TMC2: variants seen among roughly 807,000 people sequenced by gnomAD.
TMC2 encodes transmembrane channel-like protein 2.
Under a neutral mutation model 105.9 loss-of-function variants are expected in TMC2, and 102 were observed. The ratio of observed to expected loss-of-function variants is 0.96; its 90% CI spans 0.82 to 1.14. TMC2 has a LOEUF of 1.14. Ranked by LOEUF, TMC2 falls within the 50% of genes most tolerant of loss-of-function variation. The pLI, the probability that TMC2 is intolerant of heterozygous loss-of-function variation, is 0.00. For synonymous variants in TMC2, 402 were observed against 422.8 expected (o/e 0.95, Z 0.60); for missense variants, 1,093 against 1,134.3 (o/e 0.96, Z 0.52).
At chr20:2,572,641 G>A (rs555545662) in intron 5 of TMC2, among the ~76,000 whole-genome samples, 34 of 152,270 alleles carry the variant, frequency 2.2e-4, no homozygotes, top group Non-Finnish European at 4.0e-4. Context: ...GATAAACAGC[G>A]ATGTCCCCAG....
At chr20:2,544,902 A>C (rs541363474) in intron 2 of TMC2, among the ~76,000 whole-genome samples, 94 of 152,218 alleles carry the variant, frequency 6.2e-4, no homozygotes, top group African/African-American at 2.1e-3. Flanking sequence ...TCTACAAAAA[A>C]ATTTAAAAAT....
In TMC2 at chr20:2,642,760, C is replaced by G. The variant is rs1038465390; in HGVS notation, c.*1409C>G. On this transcript the variant is annotated 3_prime_UTR_variant, in exon 20 of 20. Coordinates refer to ENST00000358864, the MANE Select transcript of TMC2 (RefSeq NM_080751.3). The stretch of plus-strand genomic sequence containing the variant: ...GCTCCTTCCTTTCCTCCACTCTGTG[C>G]TCCCAGACCCAGGTAAGCAGTGAGG... Among the ~76,000 whole-genome samples, 2 of 152,078 alleles carry G rather than the reference C, an allele frequency of 1.3e-5. No individual in the cohort carries two copies. The highest frequency in any genetic ancestry group is 6.5e-5 in the Admixed American group (1 of 15,280).
chr20:2,567,661 C>T (rs1322489701), intron 4 of TMC2, among the ~76,000 whole-genome samples: 1 of 152,062 alleles, frequency 6.6e-6, no homozygotes, highest in Non-Finnish European at 1.5e-5. Context: ...CCTCGCAAGA[C>T]ACTGGGATCA....
At chr20:2,563,508 ATTTT>A (rs1279387168) in intron 4 of TMC2, among the ~76,000 whole-genome samples, 4 of 152,168 alleles carry the variant, frequency 2.6e-5, no homozygotes, top group African/African-American at 4.8e-5. Flanking sequence ...CGAAAAACTG[ATTTT>A]TTTGTTTTAG....
At chr20:2,540,055 A>C (rs1441578847) in intron 2 of TMC2, among the ~76,000 whole-genome samples, 1 of 133,076 alleles carries the variant, frequency 7.5e-6, no homozygotes, top group African/African-American at 2.9e-5. Flanking sequence ...CAGTGATGTG[A>C]TCTCAGCTCA....
chr20:2,548,208 T>C (rs550715772), intron 2 of TMC2, among the ~76,000 whole-genome samples: 86 of 152,292 alleles, frequency 5.6e-4, no homozygotes, highest in African/African-American at 2.0e-3. Flanking sequence ...ATACAGCTTC[T>C]CAAAAGGGCA....
rs1024968120 is a variant in TMC2 at position 2,537,336 on chromosome 20, T to A, written c.82+20T>A. On this transcript the variant is annotated intron_variant, in intron 2 of 19. Transcript: ENST00000358864. ...ACACAGGTGAGATGGGGTGGTGGGG[T>A]CTCTGGGGAGCCTGCAGTGCCTGGG... 1 of 1,588,998 alleles carries A rather than the reference T, an allele frequency of 6.3e-7. No individual in the cohort carries two copies. Among genetic ancestry groups the A allele is most frequent in the East Asian group, 2.3e-5 (1 of 43,904 alleles).
chr20:2,573,709 C>T (rs6115005), intron 5 of TMC2, among the ~76,000 whole-genome samples: 4,412 of 148,270 alleles, frequency 0.03, 276 homozygotes, highest in African/African-American at 0.11. Context: ...TACAGGCGCC[C>T]GCCACCACGC....
At chr20:2,563,416 G>A (rs1568506278) in intron 4 of TMC2, among the ~76,000 whole-genome samples, 1 of 152,174 alleles carries the variant, frequency 6.6e-6, no homozygotes, top group Non-Finnish European at 1.5e-5. Context: ...TGCAATGATG[G>A]AAATCAGTCA....
rs188556854 is a variant in TMC2 at position 2,556,933 on chromosome 20, G to C, written c.83-1523G>C. On this transcript the variant is annotated intron_variant, in intron 2 of 19. Coordinates refer to ENST00000358864, the MANE Select transcript of TMC2 (RefSeq NM_080751.3). Reference sequence around the variant, plus strand: ...ACTCTCTTAACTTGCACAGTTTCTGGAGCAAAATCTAGTGTAATTCTTATC... The same window carrying C: ...ACTCTCTTAACTTGCACAGTTTCTGCAGCAAAATCTAGTGTAATTCTTATC... Among the ~76,000 whole-genome samples, 9 of 151,468 alleles carry C rather than the reference G, an allele frequency of 5.9e-5. No homozygotes were observed. The East Asian group carries it at 1.7e-3, about 29-fold the overall frequency.
intron 17 of TMC2, among the ~76,000 whole-genome samples, chr20:2,630,860 T>C (rs1044840679): frequency 1.3e-5 from 2 of 152,218 alleles, no homozygotes; most frequent in African/African-American, 4.8e-5. Context: ...TGTGCTTCTT[T>C]GGAAAAGCAT....
intron 7 of TMC2, among the ~76,000 whole-genome samples, chr20:2,584,219 C>A (rs568450247): frequency 6.6e-6 from 1 of 151,744 alleles, no homozygotes; most frequent in Non-Finnish European, 1.5e-5. Context: ...CCGAGGCGGG[C>A]GGATCACGAG....
chr20:2,548,156 G>A (rs546649727), intron 2 of TMC2, among the ~76,000 whole-genome samples: 8 of 152,282 alleles, frequency 5.3e-5, no homozygotes, highest in African/African-American at 1.9e-4. Flanking sequence ...CAGAGCTCCT[G>A]AATGTACACA....
chr20:2,559,288 G>A (rs1486199626), intron 3 of TMC2, among the ~76,000 whole-genome samples: 1 of 152,184 alleles, frequency 6.6e-6, no homozygotes, highest in African/African-American at 2.4e-5. Context: ...GACCTTCAAG[G>A]ATGCTACCAG....
intron 4 of TMC2, among the ~76,000 whole-genome samples, chr20:2,566,607 G>A (rs1425938754): frequency 6.6e-6 from 1 of 152,206 alleles, no homozygotes; most frequent in African/African-American, 2.4e-5. Flanking sequence ...CTTCTAGGTA[G>A]ATGGAGTAGA....
intron 18 of TMC2, among the ~76,000 whole-genome samples, chr20:2,636,236 A>G (rs1332820274): frequency 6.6e-6 from 1 of 152,204 alleles, no homozygotes; most frequent in African/African-American, 2.4e-5. Context: ...AGGGGTTACT[A>G]AAGAACAGGA....
At chr20:2,565,723 A>C (rs749388926) in intron 4 of TMC2, among the ~76,000 whole-genome samples, 2 of 152,116 alleles carry the variant, frequency 1.3e-5, no homozygotes, top group Non-Finnish European at 2.9e-5. Context: ...TGACCTGAGC[A>C]TGGTTACTGT....
intron 2 of TMC2, among the ~76,000 whole-genome samples, chr20:2,555,204 C>G (rs909966475): frequency 6.6e-6 from 1 of 152,186 alleles, no homozygotes; most frequent in African/African-American, 2.4e-5. Flanking sequence ...CCTCAGCCTC[C>G]AAAGTAGCTG....
rs531696864 is a variant in TMC2, at chr20:2,537,403, T to A, written c.82+87T>A. ...CAACAGTCCAGCCACCCATCCAACATTCTCCTTCATCTCCTTCCCTCTCAT... is the reference window on the plus strand; with the variant it reads ...CAACAGTCCAGCCACCCATCCAACAATCTCCTTCATCTCCTTCCCTCTCAT... On this transcript the variant is annotated intron_variant, in intron 2 of 19. Coordinates refer to ENST00000358864, the MANE Select transcript of TMC2 (RefSeq NM_080751.3). The A allele has an allele frequency of 2.7e-6, 3 of 1,091,836 alleles. No homozygotes were observed. The East Asian group carries it at 7.7e-5, about 28-fold the overall frequency. The allele number at this position is 1,091,836 out of a possible 1,614,324, so 67.6% of individuals were successfully genotyped here. A position where few individuals can be genotyped will look rare whatever the true frequency, so the allele number is the denominator to read the frequency against.
Sources: allele counts gnomAD v4.1 joint callset (sites outside exome capture counted in the v4.1 genomes callset), GRCh38; gene constraint gnomAD v4.1.1; transcripts MANE v1.5; gene names NCBI Gene and HGNC (gene_info 2026-07-23, HGNC 2026-07-21).